The following CDH13 variants were observed in gnomAD, a reference collection of about 807,000 sequenced individuals.
The protein encoded by CDH13 is cadherin-13.
In CDH13, 24 loss-of-function variants were observed where a neutral mutation model predicts 63.8. That is an observed-to-expected ratio of 0.38 (90% CI 0.27 to 0.53). CDH13 has a LOEUF of 0.53. Among genes scored for constraint, CDH13 ranks in the 20% least tolerant of loss-of-function variants. The probability of loss-of-function intolerance (pLI) is 0.85; values close to 1 mark genes in which losing one functional copy is unlikely to be tolerated. For missense variants in CDH13, 1,049 were observed against 903.1 expected (o/e 1.16, Z -2.07); for synonymous variants, 503 against 355.3 (o/e 1.42, Z -4.67).
At chr16:83,030,394 C>T (rs1030513471) in intron 2 of CDH13, among the ~76,000 whole-genome samples, 3 of 152,072 alleles carry the variant, frequency 2.0e-5, no homozygotes, top group Non-Finnish European at 2.9e-5. Flanking sequence ...TACAGTGGCT[C>T]ACGCCTGTAA....
intron 7 of CDH13, among the ~76,000 whole-genome samples, chr16:83,594,794 A>T (rs1451371327): frequency 6.6e-6 from 1 of 152,218 alleles, no homozygotes; most frequent in African/African-American, 2.4e-5. Context: ...ACCTGTGTGG[A>T]AGTCATTGTA....
intron 1 of CDH13, among the ~76,000 whole-genome samples, chr16:82,795,334 C>G (rs1476502597): frequency 6.6e-6 from 1 of 152,166 alleles, no homozygotes; most frequent in Non-Finnish European, 1.5e-5. Context: ...ATACAGAGAC[C>G]ACATTCTGCA....
intron 8 of CDH13, among the ~76,000 whole-genome samples, chr16:83,624,194 C>A (rs989438961): frequency 6.6e-6 from 1 of 152,124 alleles, no homozygotes; most frequent in Non-Finnish European, 1.5e-5. Context: ...TTCTGACAGC[C>A]CTGATGCCTT....
chr16:83,306,567 C>T (rs949661490), intron 5 of CDH13, among the ~76,000 whole-genome samples: 4 of 152,104 alleles, frequency 2.6e-5, no homozygotes, highest in South Asian at 2.1e-4. Context: ...TAGAAGTCAG[C>T]GCCGAATCCT....
intron 6 of CDH13, among the ~76,000 whole-genome samples, chr16:83,454,526 C>G (rs928653697): frequency 6.6e-6 from 1 of 152,092 alleles, no homozygotes; most frequent in Non-Finnish European, 1.5e-5. Context: ...TAAGCACATC[C>G]CAGATTGCTG....
At chr16:83,296,249 T>C (rs977813539) in intron 5 of CDH13, among the ~76,000 whole-genome samples, 1 of 152,212 alleles carries the variant, frequency 6.6e-6, no homozygotes, top group Non-Finnish European at 1.5e-5. Flanking sequence ...TCTTTATAAT[T>C]TCCCTGTGAT....
At chr16:83,617,217 A>G (rs565444227) in intron 8 of CDH13, among the ~76,000 whole-genome samples, 74 of 152,310 alleles carry the variant, frequency 4.9e-4, no homozygotes, top group African/African-American at 1.7e-3. Flanking sequence ...TTAATTAGAG[A>G]TGAGTTTATT....
At chr16:83,104,855 T>G (rs2034686806) in intron 3 of CDH13, among the ~76,000 whole-genome samples, 1 of 152,052 alleles carries the variant, frequency 6.6e-6, no homozygotes, top group African/African-American at 2.4e-5. Flanking sequence ...CCAGGAGAAA[T>G]AAGGATCTGA....
chr16:83,117,227 C>T (rs1237648194), intron 3 of CDH13, among the ~76,000 whole-genome samples: 1 of 152,234 alleles, frequency 6.6e-6, no homozygotes, highest in Non-Finnish European at 1.5e-5. Context: ...CTACGTGCCT[C>T]TCCAGGGTCT....
intron 4 of CDH13, among the ~76,000 whole-genome samples, chr16:83,148,225 A>G (rs1421438218): frequency 1.3e-5 from 2 of 152,176 alleles, no homozygotes; most frequent in Non-Finnish European, 2.9e-5. Flanking sequence ...GATGTGAGCC[A>G]CTGTGCCCAG....
chr16:82,737,392 C>T (rs2151047035), intron 1 of CDH13, among the ~76,000 whole-genome samples: 1 of 152,298 alleles, frequency 6.6e-6, no homozygotes. Context: ...CATGTTATTT[C>T]CATTTCACCC....
intron 3 of CDH13, among the ~76,000 whole-genome samples, chr16:83,088,685 T>C (rs1567817985): frequency 1.3e-5 from 2 of 152,236 alleles, no homozygotes; most frequent in Non-Finnish European, 2.9e-5. Context: ...TGGGATCTTT[T>C]ACATGGCTCA....
intron 6 of CDH13, among the ~76,000 whole-genome samples, chr16:83,407,393 C>G (rs1042401425): frequency 1.3e-5 from 2 of 152,208 alleles, no homozygotes; most frequent in African/African-American, 4.8e-5. Flanking sequence ...GCACCATCCT[C>G]ATATAAACAT....
intron 2 of CDH13, among the ~76,000 whole-genome samples, chr16:83,003,693 C>G (rs1324674803): frequency 1.3e-5 from 2 of 152,212 alleles, no homozygotes; most frequent in African/African-American, 4.8e-5. Context: ...ACTTACCTCT[C>G]TCTTCACATA....
chr16:83,253,242 A>G (rs544776207), intron 5 of CDH13, among the ~76,000 whole-genome samples: 8 of 152,284 alleles, frequency 5.3e-5, no homozygotes, highest in African/African-American at 1.7e-4. Flanking sequence ...AAGGCTTCCT[A>G]TAAGACTTGT....
intron 10 of CDH13, among the ~76,000 whole-genome samples, chr16:83,697,383 C>T (rs1269252024): frequency 6.6e-6 from 1 of 152,124 alleles, no homozygotes; most frequent in Admixed American, 6.6e-5. Context: ...TTTGAAATGG[C>T]GTTGAGCACA....
intron 1 of CDH13, among the ~76,000 whole-genome samples, chr16:82,712,456 C>T (rs2032022443): frequency 6.6e-6 from 1 of 152,150 alleles, no homozygotes; most frequent in Non-Finnish European, 1.5e-5. Flanking sequence ...GTATTCTTCT[C>T]CATGGTAATA....
At chr16:83,532,223 T>G (rs915229558) in intron 7 of CDH13, among the ~76,000 whole-genome samples, 1 of 152,170 alleles carries the variant, frequency 6.6e-6, no homozygotes, top group African/African-American at 2.4e-5. Context: ...TTGCCCAGTC[T>G]CAGGTATGTG....
intron 1 of CDH13, among the ~76,000 whole-genome samples, chr16:82,785,803 G>C (rs184345876): frequency 6.6e-6 from 1 of 152,206 alleles, no homozygotes; most frequent in Non-Finnish European, 1.5e-5. Flanking sequence ...AGAAATAGCA[G>C]TCGAATATAA....
Sources: gnomAD v4.1 joint callset for allele counts (sites outside exome capture counted in the v4.1 genomes callset) on GRCh38, gnomAD v4.1.1 for gene constraint, MANE v1.5 for transcripts, NCBI Gene and HGNC (gene_info 2026-07-23, HGNC 2026-07-21) for gene names.